Variants in DPP10 observed in about 807,000 individuals in gnomAD.
DPP10 encodes dipeptidyl peptidase like 10, also known as inactive dipeptidyl peptidase 10.
Under a neutral mutation model 120.9 loss-of-function variants are expected in DPP10, and 33 were observed. The ratio of observed to expected loss-of-function variants is 0.27; its 90% confidence interval spans 0.21 to 0.37. DPP10 has a LOEUF of 0.37. Among genes scored for constraint, DPP10 ranks in the 10% least tolerant of loss-of-function variants. The pLI is 1.00. For synonymous variants in DPP10, 337 were observed against 326.1 expected (o/e 1.03, Z -0.36); for missense variants, 816 against 942.8 (o/e 0.87, Z 1.76).
intron 1 of DPP10, among the ~76,000 whole-genome samples, chr2:115,226,221 A>C (rs933805540): frequency 1.3e-5 from 2 of 152,098 alleles, no homozygotes. Context: ...ATTATCTTCT[A>C]TTACAGTTCA....
At chr2:115,839,227 G>T (rs774311867) in intron 24 of DPP10, among the ~76,000 whole-genome samples, 7 of 152,112 alleles carry the variant, frequency 4.6e-5, no homozygotes, top group Non-Finnish European at 8.8e-5. Context: ...TGTTGAAAAA[G>T]ATCTTGACTA....
chr2:114,829,007 G>T (rs905973998), intron 1 of DPP10: 5 of 152,194 alleles, frequency 3.3e-5, no homozygotes, highest in Non-Finnish European at 5.9e-5. Flanking sequence ...CTAGTTACTA[G>T]GCCAGGTGCG....
chr2:114,694,447 ACT>A (rs1699949645), intron 1 of DPP10, among the ~76,000 whole-genome samples: 1 of 151,994 alleles, frequency 6.6e-6, no homozygotes, highest in South Asian at 2.1e-4. Flanking sequence ...AGAAATCAAC[ACT>A]ATGAACTCAG....
chr2:114,800,106 C>T (rs1229926482), intron 1 of DPP10, among the ~76,000 whole-genome samples: 5 of 152,024 alleles, frequency 3.3e-5, no homozygotes, highest in Non-Finnish European at 7.4e-5. Flanking sequence ...ATGATGTAAG[C>T]GCAAGATTCG....
chr2:114,465,523 C>T (rs1679289129), intron 1 of DPP10, among the ~76,000 whole-genome samples: 2 of 152,184 alleles, frequency 1.3e-5, no homozygotes, highest in Non-Finnish European at 1.5e-5. Flanking sequence ...ATATCTAGAT[C>T]ACAAAGTCCC....
At chr2:114,493,317 G>A (rs1682168173) in intron 1 of DPP10, among the ~76,000 whole-genome samples, 1 of 152,090 alleles carries the variant, frequency 6.6e-6, no homozygotes, top group Non-Finnish European at 1.5e-5. Flanking sequence ...GCCAGAGAGC[G>A]GGAAGTGAGG....
intron 1 of DPP10, among the ~76,000 whole-genome samples, chr2:114,591,048 A>T (rs936353978): frequency 1.3e-5 from 2 of 152,190 alleles, no homozygotes; most frequent in African/African-American, 4.8e-5. Flanking sequence ...CCTGAATAGG[A>T]GCCAGCCAGG....
chr2:115,649,475 T>A (rs1296466334), intron 5 of DPP10, among the ~76,000 whole-genome samples: 1 of 152,138 alleles, frequency 6.6e-6, no homozygotes, highest in Non-Finnish European at 1.5e-5. Flanking sequence ...ATGCTCTTTT[T>A]ATGATGATTT....
chr2:114,879,345 A>G (rs997811250), intron 1 of DPP10, among the ~76,000 whole-genome samples: 26 of 152,070 alleles, frequency 1.7e-4, no homozygotes, highest in African/African-American at 5.8e-4. Flanking sequence ...TGTCACTATC[A>G]TCACTCCTAT....
chr2:114,670,185 A>G (rs1698224579), intron 1 of DPP10, among the ~76,000 whole-genome samples: 1 of 152,162 alleles, frequency 6.6e-6, no homozygotes, highest in African/African-American at 2.4e-5. Flanking sequence ...TACCCAAAGG[A>G]CTATAAATCA....
At chr2:114,514,726 T>C (rs941939844) in intron 1 of DPP10, among the ~76,000 whole-genome samples, 1 of 152,038 alleles carries the variant, frequency 6.6e-6, no homozygotes, top group African/African-American at 2.4e-5. Flanking sequence ...CAGAATTAGA[T>C]TTGTGTACCA....
chr2:114,811,462 C>T (rs549397699), intron 1 of DPP10, among the ~76,000 whole-genome samples: 2 of 152,176 alleles, frequency 1.3e-5, no homozygotes, highest in Admixed American at 1.3e-4. Flanking sequence ...CCACCATCAC[C>T]TCCACCATCT....
At chr2:115,219,889 A>G (rs1017550605) in intron 1 of DPP10, among the ~76,000 whole-genome samples, 4 of 152,156 alleles carry the variant, frequency 2.6e-5, no homozygotes, top group Admixed American at 6.6e-5. Context: ...AAAAATGTGA[A>G]TGGCTAAATA....
intron 1 of DPP10, among the ~76,000 whole-genome samples, chr2:114,789,232 A>G (rs1038935343): frequency 1.6e-4 from 25 of 152,250 alleles, no homozygotes; most frequent in Non-Finnish European, 3.2e-4. Flanking sequence ...AAAACTTAAC[A>G]AATACATGCT....
At chr2:114,811,528 A>G (rs890476647) in intron 1 of DPP10, among the ~76,000 whole-genome samples, 5 of 151,820 alleles carry the variant, frequency 3.3e-5, no homozygotes, top group South Asian at 2.1e-4. Context: ...CCGTTCCACC[A>G]TGACAATAAC....
intron 1 of DPP10, among the ~76,000 whole-genome samples, chr2:114,858,424 G>A (rs1399484468): frequency 6.6e-6 from 1 of 152,208 alleles, no homozygotes; most frequent in Non-Finnish European, 1.5e-5. Flanking sequence ...ATGTAAACAT[G>A]CTTTGGAGTA....
intron 1 of DPP10, among the ~76,000 whole-genome samples, chr2:114,868,137 G>T (rs1464159069): frequency 1.3e-5 from 2 of 152,162 alleles, no homozygotes; most frequent in Non-Finnish European, 2.9e-5. Context: ...GCATCATTAT[G>T]ATTTGAATAC....
chr2:114,957,572 A>G (rs1283385237), intron 1 of DPP10, among the ~76,000 whole-genome samples: 3 of 152,184 alleles, frequency 2.0e-5, no homozygotes, highest in African/African-American at 7.2e-5. Context: ...CCACCATATG[A>G]TCCAGCCATT....
intron 21 of DPP10, among the ~76,000 whole-genome samples, chr2:115,827,173 C>T (rs1688398167): frequency 1.3e-5 from 2 of 151,298 alleles, no homozygotes; most frequent in Admixed American, 6.6e-5. Context: ...TCCTTTATGG[C>T]TTATAATGTA....
Sources: allele counts gnomAD v4.1 joint callset (sites outside exome capture counted in the v4.1 genomes callset), GRCh38; gene constraint gnomAD v4.1.1; transcripts MANE v1.5; gene names NCBI Gene and HGNC (gene_info 2026-07-23, HGNC 2026-07-21).